The following CTNND2 variants were observed in gnomAD, a reference collection of about 807,000 sequenced individuals.
The protein encoded by CTNND2 is catenin delta-2.
In CTNND2, 22 loss-of-function variants were observed where a neutral mutation model predicts 144.4. The ratio of observed to expected loss-of-function variants is 0.15; its 90% CI spans 0.11 to 0.22. The LOEUF is 0.22. Among genes scored for constraint, CTNND2 ranks in the 10% least tolerant of loss-of-function variants. The probability of loss-of-function intolerance (pLI) is 1.00; values close to 1 mark genes in which losing one functional copy is unlikely to be tolerated. For synonymous variants in CTNND2, 751 were observed against 695.6 expected (o/e 1.08, Z -1.25); for missense variants, 1,353 against 1,618.8 (o/e 0.84, Z 2.82).
At chr5:11,294,016 A>G (rs948479430) in intron 9 of CTNND2, among the ~76,000 whole-genome samples, 1 of 151,404 alleles carries the variant, frequency 6.6e-6, no homozygotes, top group African/African-American at 2.4e-5. Flanking sequence ...AACCCACAAG[A>G]TGAGGACATT....
chr5:11,802,148 T>C (rs1791722403), intron 1 of CTNND2, among the ~76,000 whole-genome samples: 1 of 152,018 alleles, frequency 6.6e-6, no homozygotes, highest in Non-Finnish European at 1.5e-5. Context: ...TGGCCATGCC[T>C]GTAATCCCAG....
At chr5:11,280,039 T>A (rs905907827) in intron 9 of CTNND2, among the ~76,000 whole-genome samples, 2 of 152,116 alleles carry the variant, frequency 1.3e-5, no homozygotes, top group East Asian at 3.9e-4. Context: ...ACAAACTATA[T>A]CATGCCTGTT....
At chr5:11,382,764 C>T (rs1758644514) in intron 7 of CTNND2, among the ~76,000 whole-genome samples, 1 of 152,006 alleles carries the variant, frequency 6.6e-6, no homozygotes, top group African/African-American at 2.4e-5. Flanking sequence ...CATCTCTTGA[C>T]CTAACTGCTC....
chr5:11,078,145 C>A (rs920842614), intron 16 of CTNND2, among the ~76,000 whole-genome samples: 4 of 152,144 alleles, frequency 2.6e-5, no homozygotes, highest in African/African-American at 9.7e-5. Flanking sequence ...GTCACCCTAG[C>A]CTTCTGTGAG....
At chr5:11,677,384 C>G (rs1255734663) in intron 2 of CTNND2, among the ~76,000 whole-genome samples, 1 of 152,196 alleles carries the variant, frequency 6.6e-6, no homozygotes, top group Non-Finnish European at 1.5e-5. Flanking sequence ...TGGAACCTCT[C>G]CTGGTTCTGA....
At chr5:11,887,969 T>C (rs1185581438) in intron 1 of CTNND2, among the ~76,000 whole-genome samples, 1 of 152,224 alleles carries the variant, frequency 6.6e-6, no homozygotes, top group Admixed American at 6.5e-5. Flanking sequence ...ATTTTTTTAA[T>C]TGACACTTTT....
At chr5:11,465,152 C>T (rs1055194558) in intron 3 of CTNND2, among the ~76,000 whole-genome samples, 2 of 152,144 alleles carry the variant, frequency 1.3e-5, no homozygotes, top group Admixed American at 6.5e-5. Context: ...AGATATTTTA[C>T]ATTTTTGCAG....
intron 1 of CTNND2, among the ~76,000 whole-genome samples, chr5:11,876,751 G>A (rs566924680): frequency 2.1e-4 from 32 of 152,156 alleles, no homozygotes; most frequent in African/African-American, 7.0e-4. Flanking sequence ...TACATTAGGC[G>A]CTTTAATTGG....
At chr5:11,082,886 A>G in intron 15 of CTNND2, 40 bp from the exon 16 acceptor site, 1 of 1,604,350 alleles carries the variant, frequency 6.2e-7, no homozygotes, top group Non-Finnish European at 8.5e-7. Flanking sequence ...AGAAACAGGA[A>G]GAAACCCTGC....
At chr5:11,809,395 T>C (rs149849991) in intron 1 of CTNND2, among the ~76,000 whole-genome samples, 4 of 152,312 alleles carry the variant, frequency 2.6e-5, no homozygotes, top group African/African-American at 9.6e-5. Context: ...AACTTAGTCA[T>C]CTTTACTTAG....
chr5:11,549,986 A>G (rs1775621399), intron 3 of CTNND2, among the ~76,000 whole-genome samples: 1 of 152,206 alleles, frequency 6.6e-6, no homozygotes, highest in South Asian at 2.1e-4. Flanking sequence ...GGCATTTCCT[A>G]TCTATTCACG....
intron 16 of CTNND2, among the ~76,000 whole-genome samples, chr5:11,037,258 A>T (rs1420002753): frequency 6.6e-6 from 1 of 152,182 alleles, no homozygotes; most frequent in Non-Finnish European, 1.5e-5. Flanking sequence ...ATAATGAGTA[A>T]ACAACCAGAC....
intron 9 of CTNND2, among the ~76,000 whole-genome samples, chr5:11,328,179 T>C (rs1490414506): frequency 6.6e-6 from 1 of 152,192 alleles, no homozygotes; most frequent in Non-Finnish European, 1.5e-5. Context: ...GAAAAATGAC[T>C]CTTTTTTCCA....
intron 12 of CTNND2, among the ~76,000 whole-genome samples, chr5:11,119,994 A>G (rs959583806): frequency 1.3e-5 from 2 of 152,228 alleles, no homozygotes; most frequent in African/African-American, 2.4e-5. Context: ...CCAATAGGAA[A>G]TAATCAAAAT....
chr5:11,633,884 T>C (rs533322528), intron 2 of CTNND2, among the ~76,000 whole-genome samples: 1 of 152,240 alleles, frequency 6.6e-6, no homozygotes, highest in East Asian at 1.9e-4. Flanking sequence ...TGTGAAGTAG[T>C]ATTTTAGGCT....
intron 16 of CTNND2, among the ~76,000 whole-genome samples, chr5:11,044,125 C>G (rs1744974061): frequency 6.6e-6 from 1 of 152,154 alleles, no homozygotes; most frequent in African/African-American, 2.4e-5. Flanking sequence ...CCTGTCTGCT[C>G]TCATTCTGCA....
chr5:11,374,988 T>G (rs978677239), intron 7 of CTNND2, among the ~76,000 whole-genome samples: 2 of 152,066 alleles, frequency 1.3e-5, no homozygotes, highest in African/African-American at 4.8e-5. Context: ...GAATAAGGCT[T>G]AACAAGCAAG....
At chr5:11,690,629 G>A (rs1311124561) in intron 2 of CTNND2, among the ~76,000 whole-genome samples, 3 of 151,318 alleles carry the variant, frequency 2.0e-5, no homozygotes, top group East Asian at 2.0e-4. Flanking sequence ...CCAGCTACTC[G>A]AGAGGCTGAG....
At chr5:11,376,885 G>C (rs920334174) in intron 7 of CTNND2, among the ~76,000 whole-genome samples, 1 of 152,074 alleles carries the variant, frequency 6.6e-6, no homozygotes, top group Non-Finnish European at 1.5e-5. Flanking sequence ...CCTTGGGCCT[G>C]TCCAGGAATT....
Sources: allele counts gnomAD v4.1 joint callset (sites outside exome capture counted in the v4.1 genomes callset), GRCh38; gene constraint gnomAD v4.1.1; transcripts MANE v1.5; gene names NCBI Gene and HGNC (gene_info 2026-07-23, HGNC 2026-07-21).